Variants in LRRC57 observed in about 807,000 individuals in gnomAD.
The protein encoded by LRRC57 is leucine rich repeat containing 57.
Under a neutral mutation model 23.1 loss-of-function variants are expected in LRRC57, and 14 were observed. The ratio of observed to expected loss-of-function variants is 0.61; its 90% CI spans 0.40 to 0.95. The LOEUF is 0.95. LRRC57 is among the 40% of genes least tolerant of loss of function. LRRC57 has a pLI of 0.00. For synonymous variants in LRRC57, 106 were observed against 115.2 expected (o/e 0.92, Z 0.51); for missense variants, 236 against 284.4 (o/e 0.83, Z 1.22).
In LRRC57 at chr15:42,544,842, C is replaced by CTACATATATATATATATATATATATATA. The variant is rs2057650442; in HGVS notation, c.678+234_678+235insTATATATATATATATATATATATATGTA. Among the ~76,000 whole-genome samples, 3 of 98,038 alleles carry CTACATATATATATATATATATATATATA rather than the reference C, an allele frequency of 3.1e-5. 1 individual carries two copies. The highest frequency in any genetic ancestry group is 2.0e-4 in the African/African-American group (3 of 15,028). 64.3% of individuals were successfully genotyped at this position (98,038 alleles called of 152,430 possible). The stretch of plus-strand genomic sequence containing the variant: ...ACACACACACACACACACACACACA[C>CTACATATATATATATATATATATATATA]TATATATATATATATATCAAAAGAC... On this transcript the variant is annotated intron_variant, in intron 5 of 5. Coordinates refer to ENST00000397130, the MANE Select transcript of LRRC57 (RefSeq NM_153260.3).
the LRRC57 span, chr15:42,529,615 A>G: frequency 6.4e-7 from 1 of 1,569,944 alleles, no homozygotes; most frequent in South Asian, 1.2e-5. Flanking sequence ...GTGAAAAGTA[A>G]ATCCAGACTT....
downstream of LRRC57, among the ~76,000 whole-genome samples, chr15:42,533,982 T>C (rs1346979310): frequency 6.6e-6 from 1 of 152,208 alleles, no homozygotes; most frequent in African/African-American, 2.4e-5. Flanking sequence ...CCTAGCACTT[T>C]GGGAGGCCAA....
intron 1 of LRRC57, 105 bp from the exon 2 acceptor site, chr15:42,548,561 G>T: frequency 1.1e-6 from 1 of 887,798 alleles, no homozygotes; most frequent in Non-Finnish European, 1.7e-6. Context: ...GGCTCCTGGG[G>T]CCCGACCCAA....
downstream of LRRC57, among the ~76,000 whole-genome samples, chr15:42,537,208 ATCTC>A (rs1248823539): frequency 7.4e-6 from 1 of 135,856 alleles, no homozygotes; most frequent in Non-Finnish European, 1.5e-5. Context: ...GTGAGATCCC[ATCTC>A]TCTGTCTCTC....
chr15:42,533,645 G>A (rs2057584942), downstream of LRRC57, among the ~76,000 whole-genome samples: 1 of 152,212 alleles, frequency 6.6e-6, no homozygotes, highest in Admixed American at 6.5e-5. Context: ...TGATTGGTTA[G>A]AAGCATGGGC....
Position 42,547,421 on chromosome 15 carries a change from T to C in LRRC57, c.332A>G (p.Lys111Arg). The C allele has an allele frequency of 6.2e-7, 1 of 1,614,170 alleles. No individual in the cohort carries two copies. The highest frequency in any genetic ancestry group is 1.3e-5 in the African/African-American group (1 of 75,062). ...PSTFGQLSALKTLSLSGNQLG... is the reference protein window; with the variant it reads ...PSTFGQLSALRTLSLSGNQLG... ...TTGGTTCCCAGAGAGGCTCAGGGTC[T>C]TGAGGGCAGAGAGTTGCCCAAAGGT... Residue 111 changes from lysine (K) to arginine (R), a missense_variant, in exon 4 of 6, where the codon AAG becomes AGG. Physicochemically the swap from Lys to Arg is conservative, Grantham distance 26. Transcript: ENST00000397130.
At chr15:42,534,204 C>T (rs1482629996), downstream of LRRC57, among the ~76,000 whole-genome samples, 2 of 152,188 alleles carry the variant, frequency 1.3e-5, no homozygotes, top group Non-Finnish European at 2.9e-5. Context: ...GATCTGGGCT[C>T]ACTGCAACCT....
downstream of LRRC57, among the ~76,000 whole-genome samples, chr15:42,536,299 A>G (rs1288619758): frequency 6.6e-6 from 1 of 152,264 alleles, no homozygotes; most frequent in Admixed American, 6.5e-5. Flanking sequence ...TATTTGTGAA[A>G]AAACTTAATG....
chr15:42,544,117 T>C lies in LRRC57; in HGVS notation c.686A>G (p.Glu229Gly). The change falls in exon 6 of 6, where the codon GAG (glutamate) becomes GGG (glycine). Residue 229 changes from glutamate (E) to glycine (G), a missense_variant. Glu to Gly is a moderately conservative substitution (Grantham distance 98). Transcript: ENST00000397130. ...RELEGYDKYMERFTATKKKFA is the reference protein window; with the variant it reads ...RELEGYDKYMGRFTATKKKFA Reference sequence around the variant, plus strand: ...CTTCTTCTTGGTGGCTGTGAACCTCTCCATGTACTAAAAAACATGAAAGAA... The same window carrying C: ...CTTCTTCTTGGTGGCTGTGAACCTCCCCATGTACTAAAAAACATGAAAGAA... 2 of 1,612,192 alleles carry C rather than the reference T, an allele frequency of 1.2e-6. No homozygotes were observed. Among genetic ancestry groups the C allele is most frequent in the Non-Finnish European group, 1.7e-6 (2 of 1,178,734 alleles).
intron 5 of LRRC57, among the ~76,000 whole-genome samples, chr15:42,544,343 G>A (rs2057645773): frequency 2.0e-5 from 3 of 151,566 alleles, no homozygotes; most frequent in South Asian, 2.1e-4. Context: ...TAGGTGGATC[G>A]CTTGAGCCTA....
downstream of LRRC57, among the ~76,000 whole-genome samples, chr15:42,535,187 T>C (rs147139560): frequency 7.3e-4 from 111 of 152,350 alleles, no homozygotes; most frequent in African/African-American, 2.6e-3. Flanking sequence ...TGCTGCAGCT[T>C]CTCCATCAGC....
rs941025895 is a variant in LRRC57 at position 42,540,679 on chromosome 15, A to G, written c.*3404T>C. 6.6e-6 allele frequency: 1 copy of G among 152,220 alleles called. No homozygotes were observed. The highest frequency in any genetic ancestry group is 2.4e-5 in the African/African-American group (1 of 41,454). 9.4% of individuals were successfully genotyped at this position (152,220 alleles called of 1,614,324 possible). On this transcript the variant is annotated 3_prime_UTR_variant, in exon 6 of 6. Coordinates refer to ENST00000397130, the MANE Select transcript of LRRC57 (RefSeq NM_153260.3). ...AGGGTGGTAGTTGTGGATTCTGATA[A>G]GAGTGTGGATTAAACTCCAATTAAT...
downstream of LRRC57, among the ~76,000 whole-genome samples, chr15:42,537,576 G>T (rs745700515): frequency 6.6e-6 from 1 of 152,126 alleles, no homozygotes; most frequent in Non-Finnish European, 1.5e-5. Flanking sequence ...ATATTAAAGG[G>T]ATACCTGCAC....
At position 42,547,210 on chromosome 15, in the gene LRRC57, A is replaced by G. The variant is rs2057662429; in HGVS notation, c.492+51T>C. 6 of 1,573,128 alleles carry G rather than the reference A, an allele frequency of 3.8e-6. No homozygotes were observed. In the African/African-American group the frequency reaches 6.8e-5, roughly 18 times the overall value. ...ACAAGAGGTTAACAGGTATCAGGAGACCTTAAAGCCACACATATGCTGTAG... is the reference window on the plus strand; with the variant it reads ...ACAAGAGGTTAACAGGTATCAGGAGGCCTTAAAGCCACACATATGCTGTAG... On this transcript the variant is annotated intron_variant, in intron 4 of 5. Transcript: ENST00000397130.
intron 3 of LRRC57, 103 bp downstream of exon 3, chr15:42,548,003 C>T: frequency 8.1e-7 from 1 of 1,241,446 alleles, no homozygotes. Flanking sequence ...AACTTGAGCC[C>T]TCCTGCACGG....
chr15:42,544,093 T>A lies in LRRC57; in HGVS notation c.710A>T (p.Lys237Met). Residue 237 changes from lysine to methionine, a missense_variant, in exon 6 of 6, where the codon AAG (lysine) becomes ATG (methionine). Lys to Met is a moderately conservative substitution (Grantham distance 95). Transcript: ENST00000397130. ...YMERFTATKK[K>M]FA ...TAGTCCTGGAGAACTTCACGCAAAC[T>A]TCTTCTTGGTGGCTGTGAACCTCTC... is the stretch of plus-strand genomic sequence containing the variant. 3.1e-6 allele frequency: 5 copies of A among 1,613,270 alleles called. No homozygotes were observed. The highest frequency in any genetic ancestry group is 4.2e-6 in the Non-Finnish European group (5 of 1,179,494).
At chr15:42,536,859 G>A (rs1304944422), downstream of LRRC57, among the ~76,000 whole-genome samples, 1 of 152,064 alleles carries the variant, frequency 6.6e-6, no homozygotes, top group Non-Finnish European at 1.5e-5. Context: ...TAACTAAAGA[G>A]GTAAAAAATT....
Position 42,548,202 on chromosome 15 carries a change from T to C in LRRC57, c.127A>G (p.Ile43Val), listed in dbSNP as rs760799579. ...LQKLTSNLRTIDLSNNKIESL... is the reference protein window; with the variant it reads ...LQKLTSNLRTVDLSNNKIESL... The stretch of plus-strand genomic sequence containing the variant: ...TCGATCTTGTTGTTGGACAAGTCGA[T>C]GGTCCTGAGATTGCTCGTCAGCTTC... Residue 43 changes from isoleucine to valine, a missense_variant, in exon 3 of 6, where the codon ATC (isoleucine) becomes GTC (valine). Transcript: ENST00000397130. 3 of 1,614,082 alleles carry C rather than the reference T, an allele frequency of 1.9e-6. No individual in the cohort carries two copies. The African/African-American group carries it at 4.0e-5, about 22-fold the overall frequency.
rs558759285 is a variant in LRRC57 at position 42,543,564 on chromosome 15, A to G, written c.*519T>C. On this transcript the variant is annotated 3_prime_UTR_variant, in exon 6 of 6. Transcript: ENST00000397130. ...ATGTACATCCTAAAGTCCTAGTATA[A>G]AAACTGCGACTGAACTGATGGACTA... is the stretch of plus-strand genomic sequence containing the variant. 1 of 152,578 alleles carries G rather than the reference A, an allele frequency of 6.6e-6. No individual in the cohort carries two copies. Among genetic ancestry groups the G allele is most frequent in the African/African-American group, 2.4e-5 (1 of 41,588 alleles). The allele number at this position is 152,578 out of a possible 1,614,324, so 9.5% of individuals were successfully genotyped here.
Sources: gnomAD v4.1 joint callset for allele counts (sites outside exome capture counted in the v4.1 genomes callset) on GRCh38, gnomAD v4.1.1 for gene constraint, MANE v1.5 for transcripts, NCBI Gene and HGNC (gene_info 2026-07-23, HGNC 2026-07-21) for gene names.